BIRC2: variants seen among roughly 807,000 people sequenced by gnomAD.
The protein encoded by BIRC2 is baculoviral IAP repeat containing 2, also known as baculoviral IAP repeat-containing protein 2.
A neutral mutation model predicts 60.9 loss-of-function variants in BIRC2; 18 were observed. The observed-to-expected ratio is 0.30, with a 90% CI of 0.20 to 0.44. The LOEUF (loss-of-function observed/expected upper bound fraction) is 0.44, where lower values mean the gene tolerates loss of function less well. Among genes scored for constraint, BIRC2 ranks in the 20% least tolerant of loss-of-function variants. BIRC2 has a pLI of 1.00. For missense variants in BIRC2, 701 were observed against 728.5 expected (o/e 0.96, Z 0.43); for synonymous variants, 282 against 247.7 (o/e 1.14, Z -1.30).
chr11:102,377,798 A>G, intron 7 of BIRC2, 48 bp downstream of exon 7: 1 of 1,595,014 alleles, frequency 6.3e-7, no homozygotes, highest in Non-Finnish European at 8.5e-7. Context: ...GACTGGCCAG[A>G]TGCGGTGGCT....
At chr11:102,376,673 T>C (rs903193136) in intron 6 of BIRC2, among the ~76,000 whole-genome samples, 2 of 152,134 alleles carry the variant, frequency 1.3e-5, no homozygotes, top group African/African-American at 4.8e-5. Flanking sequence ...AACATTGGCT[T>C]TTTAAAAAAA....
At chr11:102,363,422 A>G (rs926259632) in intron 4 of BIRC2, among the ~76,000 whole-genome samples, 62 of 152,338 alleles carry the variant, frequency 4.1e-4, no homozygotes, top group African/African-American at 1.4e-3. Flanking sequence ...AAATGAAATG[A>G]GAAACCACTG....
chr11:102,364,174 T>TATATATATATATATATATACAC (rs1389968594), intron 5 of BIRC2, among the ~76,000 whole-genome samples: 6 of 78,106 alleles, frequency 7.7e-5, no homozygotes, highest in South Asian at 4.3e-4. Context: ...TATATATATA[T>TATATATATATATATATATACAC]ACACACACAC....
At chr11:102,357,277 C>T (rs926414920) in intron 3 of BIRC2, among the ~76,000 whole-genome samples, 1 of 151,550 alleles carries the variant, frequency 6.6e-6, no homozygotes, top group Non-Finnish European at 1.5e-5. Context: ...CTCTTCCCTC[C>T]CTCTTCTTCC....
rs200728166 is a variant in BIRC2, at chr11:102,377,875, A to G, written c.1640A>G (p.Tyr547Cys). ...KNLFVDKNMK[Y>C]IPTEDVSGLS... ...TCCTCAGTGGATAAGAATATGAAGT[A>G]TATTCCAACAGAAGATGTTTCAGGT... The change falls in exon 8 of 9, where the codon TAT becomes TGT. Residue 547 changes from tyrosine to cysteine, a missense_variant. Tyr to Cys is a radical substitution (Grantham distance 194). Transcript: ENST00000227758. The G allele has an allele frequency of 1.9e-6, 3 of 1,611,350 alleles. No individual in the cohort carries two copies. The highest frequency in any genetic ancestry group is 1.1e-5 in the South Asian group (1 of 90,204).
chr11:102,349,080 G>T lies in BIRC2; in HGVS notation c.-775G>T, dbSNP rs943165800. On this transcript the variant is annotated 5_prime_UTR_variant, in exon 2 of 9. It adds an upstream start codon to the 5' untranslated region. Transcript: ENST00000227758. ...GGAAGAAAGTCAACATGATGCTGCA[G>T]GAAATGGAAACAAATACAAATGATA... is the stretch of plus-strand genomic sequence containing the variant. 6.6e-6 allele frequency: 1 copy of T among 152,580 alleles called. No homozygotes were observed. Among genetic ancestry groups the T allele is most frequent in the African/African-American group, 2.4e-5 (1 of 41,436 alleles). The allele number at this position is 152,580 out of a possible 1,614,324, so 9.5% of individuals were successfully genotyped here. A position where few individuals can be genotyped will look rare whatever the true frequency, so the allele number is the denominator to read the frequency against.
At chr11:102,357,418 TC>T (rs1306824752) in intron 3 of BIRC2, among the ~76,000 whole-genome samples, 1 of 152,112 alleles carries the variant, frequency 6.6e-6, no homozygotes, top group Non-Finnish European at 1.5e-5. Context: ...GGTCATCTGT[TC>T]CTGGGCTTTT....
chr11:102,348,546 A>G (rs1280439378), intron 1 of BIRC2, 52 bp from the exon 2 acceptor site: 1 of 173,960 alleles, frequency 5.7e-6, no homozygotes, highest in Non-Finnish European at 1.3e-5. Context: ...TGTAAGTTCT[A>G]TTTGGCATGC....
rs1407999642 is a variant in BIRC2 at position 102,350,220 on chromosome 11, A to C, written c.366A>C (p.Gly122=). The C allele has an allele frequency of 6.2e-7, 1 of 1,614,212 alleles. No individual in the cohort carries two copies. Among genetic ancestry groups the C allele is most frequent in the South Asian group, 1.1e-5 (1 of 91,084 alleles). Reference sequence around the variant, plus strand: ...AGAATCTGGTTTCAGCTAGTCTGGGATCCACCTCTAAGAATACGTCTCCAA... The same window carrying C: ...AGAATCTGGTTTCAGCTAGTCTGGGCTCCACCTCTAAGAATACGTCTCCAA... ...FIQNLVSASL[G]STSKNTSPMR... is the part of the protein sequence containing the mutation. The change falls in exon 2 of 9, where the codon GGA becomes GGC. Residue 122 remains glycine (G), a synonymous_variant. Transcript: ENST00000227758.
Position 102,348,805 on chromosome 11 carries a change from C to T in BIRC2, c.-1050C>T. On this transcript the variant is annotated 5_prime_UTR_variant, in exon 2 of 9. Transcript: ENST00000227758. The stretch of plus-strand genomic sequence containing the variant: ...TACTGATACTTTATGCTAAGCAGTA[C>T]TTTTTTGGTAGTACAATATTTTGTT... 3.6e-6 allele frequency: 1 copy of T among 277,824 alleles called. No homozygotes were observed. The allele number at this position is 277,824 out of a possible 1,614,324, so 17.2% of individuals were successfully genotyped here.
chr11:102,378,055 A>G lies in BIRC2; in HGVS notation c.1729A>G (p.Lys577Glu). 6.2e-7 allele frequency: 1 copy of G among 1,613,766 alleles called. No homozygotes were observed. The highest frequency in any genetic ancestry group is 8.5e-7 in the Non-Finnish European group (1 of 1,179,808). ...EERTCKVCMD[K>E]EVSVVFIPCG... ...ACGAACTTGTAAAGTGTGTATGGAC[A>G]AAGAAGTTTCTGTTGTATTTATTCC... is the stretch of plus-strand genomic sequence containing the variant. The change falls in exon 9 of 9, where the codon AAA (lysine) becomes GAA (glutamate). Residue 577 changes from lysine (K) to glutamate (E), a missense_variant. By Grantham distance (56) the Lys-to-Glu change is moderately conservative. This residue lies in a region of BIRC2 where 52 missense variants were observed against 83.9 expected (regional missense o/e 0.62). Coordinates refer to ENST00000227758, the MANE Select transcript of BIRC2 (RefSeq NM_001166.5).
intron 6 of BIRC2, among the ~76,000 whole-genome samples, chr11:102,372,067 T>C (rs1268188469): frequency 6.6e-6 from 1 of 152,222 alleles, no homozygotes; most frequent in East Asian, 1.9e-4. Context: ...TTTTCTTCTT[T>C]ATTAGTCTTG....
At position 102,368,377 on chromosome 11, in the gene BIRC2, G is replaced by T; in HGVS notation, c.1195G>T (p.Ala399Ser). 3.1e-6 allele frequency: 5 copies of T among 1,614,030 alleles called. No homozygotes were observed. Among genetic ancestry groups the T allele is most frequent in the Non-Finnish European group, 4.2e-6 (5 of 1,179,978 alleles). The change falls in exon 6 of 9, where the codon GCC becomes TCC. Residue 399 changes from alanine to serine, a missense_variant. By Grantham distance (99) the Ala-to-Ser change is moderately conservative. Transcript: ENST00000227758. ...VMMNTPVVKS[A>S]LEMGFNRDLV... ...GATGAATACACCTGTGGTTAAATCT[G>T]CCTTGGAAATGGGCTTTAATAGAGA...
intron 6 of BIRC2, among the ~76,000 whole-genome samples, chr11:102,373,407 T>A: frequency 6.6e-6 from 1 of 152,156 alleles, no homozygotes; most frequent in Non-Finnish European, 1.5e-5. Flanking sequence ...TGAAGTATTT[T>A]ATTTCTCCTT....
At chr11:102,357,916 T>G (rs1951442085) in intron 3 of BIRC2, among the ~76,000 whole-genome samples, 1 of 152,224 alleles carries the variant, frequency 6.6e-6, no homozygotes, top group Admixed American at 6.5e-5. Context: ...GTTCTATACA[T>G]TTTGCTATGT....
At chr11:102,366,323 T>C (rs1346352033) in intron 5 of BIRC2, among the ~76,000 whole-genome samples, 2 of 152,074 alleles carry the variant, frequency 1.3e-5, no homozygotes, top group Non-Finnish European at 2.9e-5. Flanking sequence ...TTCATTTCTG[T>C]CTTCATAACA....
chr11:102,351,614 C>A (rs77753467), intron 3 of BIRC2, among the ~76,000 whole-genome samples: 213 of 68,566 alleles, frequency 3.1e-3, no homozygotes, highest in Admixed American at 3.1e-3. Flanking sequence ...GACTCTGTCT[C>A]AAAAAAAAAA....
intron 6 of BIRC2, among the ~76,000 whole-genome samples, chr11:102,374,657 A>C (rs1342043113): frequency 3.3e-4 from 50 of 151,992 alleles, no homozygotes; most frequent in African/African-American, 1.1e-3. Context: ...TGGAGCCTAC[A>C]GAGGCAGGCA....
Position 102,378,225 on chromosome 11 carries a change from A to G in BIRC2, c.*42A>G. ...TTTTAACCTGCATAAAAAGGTCTTT[A>G]AAATATTGTTGAACACTTGAAGCCA... On this transcript the variant is annotated 3_prime_UTR_variant, in exon 9 of 9. Coordinates refer to ENST00000227758, the MANE Select transcript of BIRC2 (RefSeq NM_001166.5). The G allele has an allele frequency of 6.9e-7, 1 of 1,458,764 alleles. No individual in the cohort carries two copies. The highest frequency in any genetic ancestry group is 1.4e-5 in the South Asian group (1 of 69,850). 90.4% of individuals were successfully genotyped at this position (1,458,764 alleles called of 1,614,324 possible). A position where few individuals can be genotyped will look rare whatever the true frequency, so the allele number is the denominator to read the frequency against.
Sources: allele counts gnomAD v4.1 joint callset (sites outside exome capture counted in the v4.1 genomes callset), GRCh38; gene constraint gnomAD v4.1.1; regional missense constraint gnomAD v4.1.1; transcripts MANE v1.5; gene names NCBI Gene and HGNC (gene_info 2026-07-23, HGNC 2026-07-21).